POFUT3: variants seen among roughly 807,000 people sequenced by gnomAD.
The protein encoded by POFUT3 is protein O-fucosyltransferase 3.
At chr8:33,370,603 C>T in the POFUT3 span, among the ~76,000 whole-genome samples, 673 of 152,224 alleles carry the variant, frequency 4.4e-3, 4 homozygotes, top group African/African-American at 0.016. Flanking sequence ...ACTTCAGAAA[C>T]GCTTAGAGAG....
chr8:33,367,882 T>C, the POFUT3 span, among the ~76,000 whole-genome samples: 1 of 139,734 alleles, frequency 7.2e-6, no homozygotes, highest in South Asian at 2.7e-4. Context: ...ATAATTACTT[T>C]CATAATCAGT....
chr8:33,467,041 G>A, the POFUT3 span, among the ~76,000 whole-genome samples: 1 of 152,044 alleles, frequency 6.6e-6, no homozygotes, highest in Admixed American at 6.6e-5. Flanking sequence ...AGGAGGCAGA[G>A]GTTGCAGTGA....
the POFUT3 span, chr8:33,453,640 A>G: frequency 1.2e-6 from 1 of 801,128 alleles, no homozygotes; most frequent in Non-Finnish European, 2.0e-6. Context: ...ACAAACAGTA[A>G]TTTAAAATAA....
the POFUT3 span, among the ~76,000 whole-genome samples, chr8:33,349,690 G>T: frequency 1.3e-5 from 2 of 152,092 alleles, no homozygotes; most frequent in East Asian, 3.9e-4. Context: ...TGGTCGATGG[G>T]CATTTAGGCT....
the POFUT3 span, among the ~76,000 whole-genome samples, chr8:33,467,761 GA>G: frequency 6.6e-6 from 1 of 152,220 alleles, no homozygotes; most frequent in Non-Finnish European, 1.5e-5. Flanking sequence ...AAGATGGACA[GA>G]AGAGGGACTG....
At chr8:33,357,610 TTTG>T in the POFUT3 span, among the ~76,000 whole-genome samples, 1 of 152,034 alleles carries the variant, frequency 6.6e-6, no homozygotes, top group African/African-American at 2.4e-5. Context: ...TAAGTTTTCT[TTTG>T]TTTTCCCCTA....
the POFUT3 span, among the ~76,000 whole-genome samples, chr8:33,456,388 C>G: frequency 3.9e-5 from 6 of 152,078 alleles, no homozygotes; most frequent in Admixed American, 1.3e-4. Context: ...GACAGAGTCT[C>G]TCTCTGTCGC....
the POFUT3 span, chr8:33,451,584 ATATGTG>A: frequency 6.6e-6 from 1 of 151,708 alleles, no homozygotes; most frequent in African/African-American, 2.4e-5. Context: ...ATGTGTGTAC[ATATGTG>A]TATGTGTGTG....
the POFUT3 span, among the ~76,000 whole-genome samples, chr8:33,430,739 G>A: frequency 1.3e-5 from 2 of 152,068 alleles, no homozygotes; most frequent in South Asian, 2.1e-4. Flanking sequence ...CTCCCGAGTC[G>A]CTGGGATTAC....
chr8:33,340,787 A>G, the POFUT3 span, among the ~76,000 whole-genome samples: 2 of 152,216 alleles, frequency 1.3e-5, no homozygotes, highest in African/African-American at 4.8e-5. Flanking sequence ...TACAAAACAT[A>G]TGAAGCAAAA....
the POFUT3 span, among the ~76,000 whole-genome samples, chr8:33,380,938 A>T: frequency 6.6e-6 from 1 of 152,148 alleles, no homozygotes; most frequent in Non-Finnish European, 1.5e-5. Flanking sequence ...GTTTGAGACC[A>T]GCATGGACAA....
the POFUT3 span, among the ~76,000 whole-genome samples, chr8:33,394,650 G>C: frequency 1.3e-5 from 2 of 150,526 alleles, no homozygotes; most frequent in African/African-American, 4.9e-5. Flanking sequence ...TGATATACAT[G>C]AAAGGTTTTG....
At chr8:33,457,412 CT>C in the POFUT3 span, among the ~76,000 whole-genome samples, 2 of 152,158 alleles carry the variant, frequency 1.3e-5, no homozygotes. Flanking sequence ...AGGAGGATCA[CT>C]TGAACCCAGG....
chr8:33,415,699 T>C, the POFUT3 span, among the ~76,000 whole-genome samples: 3 of 152,066 alleles, frequency 2.0e-5, no homozygotes, highest in Non-Finnish European at 4.4e-5. Context: ...AGAGGGAAAA[T>C]AGGATTAAAG....
chr8:33,396,262 C>A, the POFUT3 span, among the ~76,000 whole-genome samples: 1 of 152,152 alleles, frequency 6.6e-6, no homozygotes, highest in Non-Finnish European at 1.5e-5. Flanking sequence ...TGCAGTTATT[C>A]ATTCTGTATA....
chr8:33,428,501 C>T, the POFUT3 span, among the ~76,000 whole-genome samples: 1 of 152,200 alleles, frequency 6.6e-6, no homozygotes, highest in Non-Finnish European at 1.5e-5. Context: ...CAGATGGATG[C>T]TTTAGACTAA....
At chr8:33,466,768 G>A in the POFUT3 span, among the ~76,000 whole-genome samples, 1 of 152,080 alleles carries the variant, frequency 6.6e-6, no homozygotes, top group African/African-American at 2.4e-5. Context: ...GACCAAAAGA[G>A]AACAGTAAGG....
At chr8:33,377,793 G>A in the POFUT3 span, among the ~76,000 whole-genome samples, 1 of 152,134 alleles carries the variant, frequency 6.6e-6, no homozygotes, top group Non-Finnish European at 1.5e-5. Context: ...AAAAGATTTT[G>A]TTTCCAAAGA....
chr8:33,316,034 C>A, the POFUT3 span, among the ~76,000 whole-genome samples: 1 of 152,062 alleles, frequency 6.6e-6, no homozygotes, highest in Non-Finnish European at 1.5e-5. Context: ...GTCAAGAACA[C>A]CTGGATCTAC....
Sources: allele counts gnomAD v4.1 joint callset (sites outside exome capture counted in the v4.1 genomes callset), GRCh38; gene constraint gnomAD v4.1.1; transcripts MANE v1.5; gene names NCBI Gene and HGNC (gene_info 2026-07-23, HGNC 2026-07-21).